The following UBASH3A variants were observed in gnomAD, a reference collection of about 807,000 sequenced individuals.
The protein encoded by UBASH3A is ubiquitin-associated and SH3 domain-containing protein A.
In UBASH3A, 63 loss-of-function variants were observed where a neutral mutation model predicts 73.5. The ratio of observed to expected loss-of-function variants is 0.86; its 90% CI spans 0.70 to 1.06. The LOEUF (loss-of-function observed/expected upper bound fraction) is 1.06. Ranked by LOEUF, UBASH3A falls within the 50% of genes least tolerant of loss-of-function variation. The pLI is 0.00. For missense variants in UBASH3A, 860 were observed against 859.0 expected (o/e 1.00, Z -0.02); for synonymous variants, 363 against 351.1 (o/e 1.03, Z -0.38).
chr21:42,415,038 AG>A (rs1391809533), intron 5 of UBASH3A, among the ~76,000 whole-genome samples: 2 of 152,114 alleles, frequency 1.3e-5, no homozygotes, highest in African/African-American at 4.8e-5. Context: ...GAGGGGGTGG[AG>A]GGGACTCTCT....
intron 7 of UBASH3A, among the ~76,000 whole-genome samples, chr21:42,426,059 T>C (rs1385921324): frequency 6.6e-6 from 1 of 151,920 alleles, no homozygotes; most frequent in Non-Finnish European, 1.5e-5. Flanking sequence ...AAGTGCACAA[T>C]TTGCAGGGCA....
chr21:42,405,270 G>A (rs374731039), intron 1 of UBASH3A, among the ~76,000 whole-genome samples: 1 of 152,182 alleles, frequency 6.6e-6, no homozygotes, highest in East Asian at 1.9e-4. Flanking sequence ...AGGCATTACA[G>A]ACAAGGCAGC....
intron 8 of UBASH3A, among the ~76,000 whole-genome samples, chr21:42,431,048 G>A (rs9983997): frequency 0.044 from 6,734 of 152,282 alleles, 526 homozygotes; most frequent in African/African-American, 0.15. Flanking sequence ...TATGCTCCAC[G>A]CAGCTGTCCT....
intron 2 of UBASH3A, 40 bp downstream of exon 2, chr21:42,406,401 C>T (rs1212239793): frequency 5.8e-6 from 9 of 1,554,422 alleles, no homozygotes; most frequent in Non-Finnish European, 8.0e-6. Flanking sequence ...GGCGTTTGGG[C>T]TGAATTCCCT....
intron 5 of UBASH3A, among the ~76,000 whole-genome samples, chr21:42,414,414 C>A (rs375997219): frequency 3.2e-4 from 49 of 152,216 alleles, no homozygotes; most frequent in African/African-American, 1.1e-3. Flanking sequence ...CAGTGAACCT[C>A]ATTGGCAGCA....
intron 2 of UBASH3A, among the ~76,000 whole-genome samples, chr21:42,407,378 A>T (rs1267857417): frequency 6.6e-6 from 1 of 152,148 alleles, no homozygotes; most frequent in Non-Finnish European, 1.5e-5. Context: ...AGTGTAGGCC[A>T]CGGGCAAAAT....
At chr21:42,414,792 C>T (rs561952529) in intron 5 of UBASH3A, among the ~76,000 whole-genome samples, 1 of 152,200 alleles carries the variant, frequency 6.6e-6, no homozygotes, top group South Asian at 2.1e-4. Context: ...TGATTTTGAA[C>T]CTCTAGTCTC....
intron 1 of UBASH3A, 138 bp downstream of exon 1, chr21:42,404,196 C>A: frequency 2.4e-6 from 1 of 424,998 alleles, no homozygotes; most frequent in Non-Finnish European, 4.1e-6. Context: ...TAAGACACTG[C>A]CTCTTCACAG....
chr21:42,421,492 C>T (rs1307056738), intron 7 of UBASH3A, among the ~76,000 whole-genome samples: 1 of 152,194 alleles, frequency 6.6e-6, no homozygotes, highest in Admixed American at 6.5e-5. Flanking sequence ...CTCTAGGGTT[C>T]CCCTCACCAC....
intron 1 of UBASH3A, among the ~76,000 whole-genome samples, chr21:42,406,011 G>C (rs1423040991): frequency 6.6e-6 from 1 of 151,456 alleles, no homozygotes; most frequent in Non-Finnish European, 1.5e-5. Flanking sequence ...GCCAGGGAGA[G>C]GGATTGCAGG....
At chr21:42,416,074 T>C (rs1223646771) in intron 5 of UBASH3A, among the ~76,000 whole-genome samples, 1 of 152,194 alleles carries the variant, frequency 6.6e-6, no homozygotes, top group Non-Finnish European at 1.5e-5. Flanking sequence ...CTTGAAACTC[T>C]ACGATTAAAC....
Position 42,432,221 on chromosome 21 carries a change from G to C in UBASH3A, c.1270+19G>C, listed in dbSNP as rs774781679. On this transcript the variant is annotated intron_variant, in intron 9 of 14. Transcript: ENST00000319294. ...CCTGATGGTAGGTCACACTCAGGCG[G>C]GTCTACGGACAGAAACACTGTAGAT... 12 of 1,557,242 alleles carry C rather than the reference G, an allele frequency of 7.7e-6. No homozygotes were observed. In the South Asian group the frequency reaches 1.2e-4, roughly 16 times the overall value.
At chr21:42,417,953 G>T (rs182118749) in intron 6 of UBASH3A, among the ~76,000 whole-genome samples, 2 of 133,028 alleles carry the variant, frequency 1.5e-5, no homozygotes, top group Admixed American at 1.7e-4. Flanking sequence ...AGTGATCTGC[G>T]CCCACTTCAA....
At chr21:42,423,606 A>G (rs527615452) in intron 7 of UBASH3A, among the ~76,000 whole-genome samples, 2 of 152,342 alleles carry the variant, frequency 1.3e-5, no homozygotes, top group East Asian at 1.9e-4. Flanking sequence ...TCACAGTCAC[A>G]GAGGAACCAC....
intron 10 of UBASH3A, 84 bp downstream of exon 10, chr21:42,435,038 G>A (rs1184359779): frequency 7.2e-6 from 11 of 1,521,358 alleles, no homozygotes; most frequent in Non-Finnish European, 9.0e-6. Flanking sequence ...CTGAGCCCTA[G>A]CTACACACCC....
chr21:42,443,970 G>C (rs1226911560), intron 13 of UBASH3A, among the ~76,000 whole-genome samples: 1 of 152,176 alleles, frequency 6.6e-6, no homozygotes, highest in Non-Finnish European at 1.5e-5. Context: ...ACTTCCAGGT[G>C]GCGCCCCCTT....
chr21:42,427,764 G>A (rs2053463351), intron 8 of UBASH3A, among the ~76,000 whole-genome samples: 4 of 152,164 alleles, frequency 2.6e-5, no homozygotes, highest in South Asian at 2.1e-4. Context: ...ACAGTAGCCA[G>A]GCTTATTCCC....
At position 42,416,433 on chromosome 21, in the gene UBASH3A, A is replaced by G. The variant is rs1238342675; in HGVS notation, c.668-9A>G. 1 of 1,557,090 alleles carries G rather than the reference A, an allele frequency of 6.4e-7. No homozygotes were observed. The highest frequency in any genetic ancestry group is 8.7e-7 in the Non-Finnish European group (1 of 1,152,988). ...TCCTGGCACCCTCTGTGTTTCCCTG[A>G]TTTCACAGACTGCTCCGTGAAGCCT... On this transcript the variant is annotated splice_polypyrimidine_tract_variant and intron_variant, in intron 5 of 14. Transcript: ENST00000319294.
intron 5 of UBASH3A, among the ~76,000 whole-genome samples, chr21:42,414,712 G>A (rs376285899): frequency 2.0e-5 from 3 of 152,174 alleles, no homozygotes; most frequent in East Asian, 1.9e-4. Flanking sequence ...TGGGGCCACC[G>A]GAAACTGGAA....
Sources: gnomAD v4.1 joint callset for allele counts (sites outside exome capture counted in the v4.1 genomes callset) on GRCh38, gnomAD v4.1.1 for gene constraint, MANE v1.5 for transcripts, NCBI Gene and HGNC (gene_info 2026-07-23, HGNC 2026-07-21) for gene names.